The following EGFR variants were observed in gnomAD, a reference collection of about 807,000 sequenced individuals.
EGFR encodes the protein epidermal growth factor receptor.
In EGFR, 58 loss-of-function variants were observed where a neutral mutation model predicts 143.0. The observed-to-expected ratio is 0.41, with a 90% CI of 0.33 to 0.50. The LOEUF is 0.50. Among genes scored for constraint, EGFR ranks in the 20% least tolerant of loss-of-function variants. The pLI, the probability that EGFR is intolerant of heterozygous loss-of-function variation, is 0.39. For missense variants in EGFR, 1,307 were observed against 1,579.0 expected (o/e 0.83, Z 2.92); for synonymous variants, 613 against 594.4 (o/e 1.03, Z -0.45).
chr7:55,135,486 C>T (rs546428119), intron 1 of EGFR, among the ~76,000 whole-genome samples: 2 of 152,018 alleles, frequency 1.3e-5, no homozygotes, highest in African/African-American at 4.8e-5. Context: ...CAGTTAAGAA[C>T]TATTTATTAG....
intron 1 of EGFR, among the ~76,000 whole-genome samples, chr7:55,088,348 G>A (rs1329067597): frequency 6.6e-6 from 1 of 152,224 alleles, no homozygotes; most frequent in Non-Finnish European, 1.5e-5. Context: ...CAGAAAATGT[G>A]TGTAGGACTT....
intron 19 of EGFR, among the ~76,000 whole-genome samples, chr7:55,177,812 C>T (rs1011444353): frequency 2.6e-5 from 4 of 152,224 alleles, no homozygotes; most frequent in Non-Finnish European, 5.9e-5. Flanking sequence ...TGGGGCTCCA[C>T]GAAGATTGTT....
At chr7:55,057,744 C>T (rs1004343324) in intron 1 of EGFR, among the ~76,000 whole-genome samples, 4 of 152,142 alleles carry the variant, frequency 2.6e-5, no homozygotes, top group African/African-American at 9.7e-5. Flanking sequence ...CATGGTCTGT[C>T]CTCTACATTC....
intron 1 of EGFR, among the ~76,000 whole-genome samples, chr7:55,056,308 G>A (rs901329813): frequency 1.5e-4 from 23 of 152,212 alleles, no homozygotes; most frequent in African/African-American, 5.5e-4. Context: ...TTCTAGTCAG[G>A]AAAGCAGGTA....
intron 22 of EGFR, among the ~76,000 whole-genome samples, chr7:55,195,516 A>T (rs1328157910): frequency 1.3e-5 from 2 of 152,086 alleles, no homozygotes; most frequent in East Asian, 1.9e-4. Flanking sequence ...AGTACCTGAC[A>T]TTTTTTTAAC....
chr7:55,179,210 A>G (rs1786743131), intron 19 of EGFR, among the ~76,000 whole-genome samples: 1 of 152,228 alleles, frequency 6.6e-6, no homozygotes, highest in Non-Finnish European at 1.5e-5. Context: ...TTAAGTACAG[A>G]TTATGATGAC....
In EGFR at chr7:55,144,468, A is replaced by G. The variant is rs957304742; in HGVS notation, c.424+980A>G. ...CCCTCCTGTGCCATGCAGTTCTGACAGGGAGGCAGTGCTGGTAGGAAAGGG... is the reference window on the plus strand; with the variant it reads ...CCCTCCTGTGCCATGCAGTTCTGACGGGGAGGCAGTGCTGGTAGGAAAGGG... On this transcript the variant is annotated intron_variant, in intron 3 of 27. Transcript: ENST00000275493. 8.5e-5 allele frequency among the ~76,000 whole-genome samples: 13 copies of G among 152,316 alleles called. No individual in the cohort carries two copies. In the East Asian group the frequency reaches 1.2e-3, roughly 14 times the overall value.
chr7:55,194,803 A>G (rs992457580), intron 22 of EGFR, among the ~76,000 whole-genome samples: 6 of 152,252 alleles, frequency 3.9e-5, no homozygotes, highest in African/African-American at 1.4e-4. Context: ...TGTTTTCAAC[A>G]TCATTGAGGC....
In EGFR at chr7:55,116,536, T is replaced by TACAC. The variant is rs34058394; in HGVS notation, c.89-25732_89-25729dup. 1.8e-3 allele frequency among the ~76,000 whole-genome samples: 275 copies of TACAC among 150,202 alleles called. 1 individual carries two copies. The highest frequency in any genetic ancestry group is 5.5e-3 in the East Asian group (28 of 5,070). On this transcript the variant is annotated intron_variant, in intron 1 of 27. Coordinates refer to ENST00000275493, the MANE Select transcript of EGFR (RefSeq NM_005228.5). ...TATAACTAAATTCAAAAAAAACACA[T>TACAC]ACACACACACACACACACACAAGTC... is the stretch of plus-strand genomic sequence containing the variant.
At chr7:55,175,552 G>T (rs1235544323) in intron 19 of EGFR, among the ~76,000 whole-genome samples, 2 of 152,222 alleles carry the variant, frequency 1.3e-5, no homozygotes, top group Non-Finnish European at 2.9e-5. Flanking sequence ...TGGGCTTGCT[G>T]TGAGTTGGTG....
At chr7:55,035,995 T>C (rs576089585) in intron 1 of EGFR, among the ~76,000 whole-genome samples, 1 of 152,046 alleles carries the variant, frequency 6.6e-6, no homozygotes, top group Non-Finnish European at 1.5e-5. Flanking sequence ...TTTAATTATC[T>C]AGTGATGCAG....
chr7:55,198,979 G>A, intron 23 of EGFR, 116 bp downstream of exon 23: 1 of 1,376,700 alleles, frequency 7.3e-7, no homozygotes. Flanking sequence ...CTTAAGGCAG[G>A]CACACAAATC....
chr7:55,125,134 T>C (rs952685841), intron 1 of EGFR, among the ~76,000 whole-genome samples: 4 of 152,236 alleles, frequency 2.6e-5, no homozygotes, highest in Admixed American at 1.3e-4. Flanking sequence ...GTGGTGGGAC[T>C]CCAGGCTCTG....
intron 1 of EGFR, among the ~76,000 whole-genome samples, chr7:55,113,220 A>G (rs1792622023): frequency 6.6e-6 from 1 of 152,148 alleles, no homozygotes; most frequent in Admixed American, 6.5e-5. Flanking sequence ...TCCCTTCCCT[A>G]AACATTCTAG....
intron 20 of EGFR, among the ~76,000 whole-genome samples, chr7:55,188,063 A>T (rs1787221926): frequency 6.6e-6 from 1 of 152,150 alleles, no homozygotes; most frequent in African/African-American, 2.4e-5. Flanking sequence ...TGGTTCTGGT[A>T]GAGGTGGGTT....
chr7:55,071,834 G>T (rs1259105179), intron 1 of EGFR, among the ~76,000 whole-genome samples: 1 of 152,150 alleles, frequency 6.6e-6, no homozygotes, highest in Non-Finnish European at 1.5e-5. Flanking sequence ...TACATTTAGG[G>T]CATATACAAA....
intron 1 of EGFR, among the ~76,000 whole-genome samples, chr7:55,081,648 A>G (rs1474496935): frequency 6.6e-6 from 1 of 151,596 alleles, no homozygotes; most frequent in Non-Finnish European, 1.5e-5. Flanking sequence ...TCACCCACTA[A>G]CCCTGGGCGA....
At chr7:55,053,711 G>A (rs1187750470) in intron 1 of EGFR, among the ~76,000 whole-genome samples, 2 of 152,232 alleles carry the variant, frequency 1.3e-5, no homozygotes, top group Admixed American at 6.5e-5. Flanking sequence ...CCCTTGCCGG[G>A]CCAGGCCCGC....
At chr7:55,141,960 T>C (rs1794483084) in intron 1 of EGFR, among the ~76,000 whole-genome samples, 1 of 152,226 alleles carries the variant, frequency 6.6e-6, no homozygotes, top group Non-Finnish European at 1.5e-5. Flanking sequence ...AATTTCAACA[T>C]TTTTTTATTT....
Sources: allele counts gnomAD v4.1 joint callset (sites outside exome capture counted in the v4.1 genomes callset), GRCh38; gene constraint gnomAD v4.1.1; transcripts MANE v1.5; gene names NCBI Gene and HGNC (gene_info 2026-07-23, HGNC 2026-07-21).